Variants in RBX1 observed in about 807,000 individuals in gnomAD.
RBX1 encodes the protein E3 ubiquitin-protein ligase RBX1.
For missense variants in RBX1, 46 were observed against 141.4 expected (o/e 0.33, Z 3.42); for synonymous variants, 48 against 47.9 (o/e 1.00, Z -0.01).
intron 2 of RBX1, among the ~76,000 whole-genome samples, chr22:40,959,972 G>C (rs952279596): frequency 2.0e-5 from 3 of 151,976 alleles, no homozygotes; most frequent in African/African-American, 7.3e-5. Flanking sequence ...CAAAAAATTA[G>C]CTTGGTATGG....
At chr22:40,972,451 C>G (rs528619342) in intron 4 of RBX1, 25 bp from the exon 5 acceptor site, 108 of 1,591,430 alleles carry the variant, frequency 6.8e-5, no homozygotes, top group Non-Finnish European at 8.9e-5. Context: ...TGGAATTAAT[C>G]AGAGTAATTT....
chr22:40,952,983 CTTTT>C (rs34618218), intron 1 of RBX1, among the ~76,000 whole-genome samples: 39 of 86,894 alleles, frequency 4.5e-4, no homozygotes, highest in South Asian at 1.0e-3. Flanking sequence ...AGTTTGTGCC[CTTTT>C]TTTTTTTTTT....
intron 1 of RBX1, among the ~76,000 whole-genome samples, chr22:40,952,625 TTC>T (rs1235993434): frequency 6.6e-6 from 1 of 152,226 alleles, no homozygotes; most frequent in Non-Finnish European, 1.5e-5. Flanking sequence ...ATGAATGAAA[TTC>T]TGTTAAACTC....
chr22:40,963,938 T>A lies in RBX1; in HGVS notation c.158-109T>A, dbSNP rs892263586. On this transcript the variant is annotated intron_variant, in intron 2 of 4. Transcript: ENST00000216225. ...CTCTGTTCTTCCTTTCCCACATTCA[T>A]TAAAAAACAATTATGGCTAATTAAC... 17 of 785,520 alleles carry A rather than the reference T, an allele frequency of 2.2e-5. No homozygotes were observed. In the East Asian group the frequency reaches 4.0e-4, roughly 19 times the overall value. The allele number at this position is 785,520 out of a possible 1,614,324, so 48.7% of individuals were successfully genotyped here.
chr22:40,956,424 G>A (rs2058325491), intron 2 of RBX1, among the ~76,000 whole-genome samples: 2 of 144,280 alleles, frequency 1.4e-5, no homozygotes, highest in Non-Finnish European at 3.0e-5. Flanking sequence ...TAAAGACAGA[G>A]TCTCTGTCGC....
chr22:40,961,833 GGA>G (rs1343561231), intron 2 of RBX1, among the ~76,000 whole-genome samples: 1 of 151,836 alleles, frequency 6.6e-6, no homozygotes, highest in African/African-American at 2.4e-5. Context: ...CACCCAGGCT[GGA>G]ATGCAGTGGT....
intron 4 of RBX1, among the ~76,000 whole-genome samples, chr22:40,969,536 G>A (rs1037538835): frequency 6.6e-6 from 1 of 152,124 alleles, no homozygotes; most frequent in Non-Finnish European, 1.5e-5. Context: ...GATTGCTTGA[G>A]TCCACTAGTT....
chr22:40,952,349 G>C (rs1165049845), intron 1 of RBX1, among the ~76,000 whole-genome samples: 1 of 152,176 alleles, frequency 6.6e-6, no homozygotes, highest in Admixed American at 6.5e-5. Context: ...GTTCAAAATG[G>C]AGATTCTAAA....
intron 4 of RBX1, among the ~76,000 whole-genome samples, chr22:40,968,447 T>C (rs1232273692): frequency 6.6e-6 from 1 of 152,164 alleles, no homozygotes; most frequent in Non-Finnish European, 1.5e-5. Context: ...CTATGAACTC[T>C]TAAATATTTC....
chr22:40,971,237 G>C (rs1569046497), intron 4 of RBX1, among the ~76,000 whole-genome samples: 1 of 152,166 alleles, frequency 6.6e-6, no homozygotes, highest in Non-Finnish European at 1.5e-5. Flanking sequence ...TTCCCAGGTG[G>C]TAGTTATCAG....
chr22:40,951,995 A>G (rs961406945), intron 1 of RBX1, among the ~76,000 whole-genome samples: 1 of 151,232 alleles, frequency 6.6e-6, no homozygotes, highest in African/African-American at 2.5e-5. Context: ...ACTTGGAGGG[A>G]TCCTCGCTGA....
chr22:40,959,680 G>A (rs1303073432), intron 2 of RBX1, among the ~76,000 whole-genome samples: 2 of 151,886 alleles, frequency 1.3e-5, no homozygotes, highest in African/African-American at 4.8e-5. Context: ...GCATGGTGGC[G>A]CATGCCTGTA....
intron 2 of RBX1, among the ~76,000 whole-genome samples, chr22:40,953,840 A>C (rs1487025580): frequency 2.0e-5 from 3 of 152,146 alleles, no homozygotes; most frequent in African/African-American, 7.2e-5. Flanking sequence ...GAATAAATCT[A>C]CTCAATCTAA....
chr22:40,951,486 C>T lies in RBX1; in HGVS notation c.78+10C>T, dbSNP rs1467449238. ...CTTTGAAGTGAAAAAGGTTGGGTCT[C>T]GCCAGCGCCTTCCTCAGGGAAGCTA... is the stretch of plus-strand genomic sequence containing the variant. On this transcript the variant is annotated intron_variant, in intron 1 of 4. Transcript: ENST00000216225. 2 of 1,611,858 alleles carry T rather than the reference C, an allele frequency of 1.2e-6. No homozygotes were observed. The highest frequency in any genetic ancestry group is 1.3e-5 in the African/African-American group (1 of 74,924).
intron 1 of RBX1, among the ~76,000 whole-genome samples, chr22:40,952,095 T>G (rs950280472): frequency 2.0e-5 from 3 of 152,102 alleles, no homozygotes; most frequent in African/African-American, 7.2e-5. Context: ...ACCACCCCAC[T>G]CTTGGGTTCT....
chr22:40,952,362 A>C, intron 1 of RBX1, among the ~76,000 whole-genome samples: 1 of 152,240 alleles, frequency 6.6e-6, no homozygotes, highest in East Asian at 1.9e-4. Context: ...ATTCTAAAAT[A>C]GGGAAGATAT....
At chr22:40,969,603 G>A (rs2058363141) in intron 4 of RBX1, among the ~76,000 whole-genome samples, 1 of 152,070 alleles carries the variant, frequency 6.6e-6, no homozygotes, top group Non-Finnish European at 1.5e-5. Context: ...TAGTAAATTA[G>A]GCCATGCCTG....
chr22:40,965,939 A>T (rs1013085239), intron 3 of RBX1, among the ~76,000 whole-genome samples: 1 of 152,212 alleles, frequency 6.6e-6, no homozygotes, highest in Non-Finnish European at 1.5e-5. Context: ...AAGAGAGTGA[A>T]CATCCCCTTA....
rs2058372095 is a variant in RBX1, at chr22:40,972,610, GT to G, written c.*125del. On this transcript the variant is annotated 3_prime_UTR_variant, in exon 5 of 5. Transcript: ENST00000216225. ...TTCTGCTTTGTTTTTTCAGTTTGCTGTTTCTGTAGCCATATTGTATTCTGTG... is the reference window on the plus strand; with the variant it reads ...TTCTGCTTTGTTTTTTCAGTTTGCTGTTCTGTAGCCATATTGTATTCTGTG... The G allele has an allele frequency of 1.3e-6, 1 of 796,422 alleles. No homozygotes were observed. Among genetic ancestry groups the G allele is most frequent in the South Asian group, 1.5e-5 (1 of 65,136 alleles). The allele number at this position is 796,422 out of a possible 1,614,324, so 49.3% of individuals were successfully genotyped here.
Sources: gnomAD v4.1 joint callset for allele counts (sites outside exome capture counted in the v4.1 genomes callset) on GRCh38, gnomAD v4.1.1 for gene constraint, MANE v1.5 for transcripts, NCBI Gene and HGNC (gene_info 2026-07-23, HGNC 2026-07-21) for gene names.